Variants in NALF1 observed in about 807,000 individuals in gnomAD.
The protein encoded by NALF1 is family with sequence similarity 155 member A.
A neutral mutation model predicts 48.4 loss-of-function variants in NALF1; 3 were observed. The observed-to-expected ratio is 0.06, with a 90% CI of 0.03 to 0.16. The LOEUF is 0.16. Among genes scored for constraint, NALF1 ranks in the 10% least tolerant of loss-of-function variants. The probability of loss-of-function intolerance (pLI) is 1.00; values close to 1 mark genes in which losing one functional copy is unlikely to be tolerated. For synonymous variants in NALF1, 262 were observed against 245.7 expected (o/e 1.07, Z -0.62); for missense variants, 526 against 571.5 (o/e 0.92, Z 0.81).
At chr13:107,391,524 C>A (rs1012049987) in intron 1 of NALF1, among the ~76,000 whole-genome samples, 2 of 152,076 alleles carry the variant, frequency 1.3e-5, no homozygotes, top group Non-Finnish European at 2.9e-5. Flanking sequence ...CTTTCCAGAT[C>A]CAGAAGATAA....
At chr13:107,753,058 TGTGA>T (rs1264095844) in intron 1 of NALF1, among the ~76,000 whole-genome samples, 2 of 152,170 alleles carry the variant, frequency 1.3e-5, no homozygotes, top group African/African-American at 4.8e-5. Flanking sequence ...AAACCAGGGT[TGTGA>T]GTGTCTTACA....
chr13:107,755,111 G>A (rs757789828), intron 1 of NALF1, among the ~76,000 whole-genome samples: 1 of 152,134 alleles, frequency 6.6e-6, no homozygotes, highest in East Asian at 1.9e-4. Flanking sequence ...ACCTTTAAAA[G>A]TACAAAAACA....
intron 1 of NALF1, among the ~76,000 whole-genome samples, chr13:107,749,264 T>C (rs994703012): frequency 6.6e-6 from 1 of 152,018 alleles, no homozygotes; most frequent in Non-Finnish European, 1.5e-5. Context: ...TTAAGGCAGT[T>C]TTCTCTTAGT....
intron 1 of NALF1, among the ~76,000 whole-genome samples, chr13:107,504,491 A>C (rs78551796): frequency 0.032 from 4,850 of 152,226 alleles, 206 homozygotes; most frequent in East Asian, 0.1. Context: ...TACAGTATCC[A>C]TTTTGCTATC....
In NALF1 at chr13:107,270,482, C is replaced by T. The variant is rs566365262; in HGVS notation, c.916-59727G>A. Among the ~76,000 whole-genome samples the T allele has an allele frequency of 1.1e-3, 168 of 151,812 alleles. 1 individual carries two copies. The highest frequency in any genetic ancestry group is 3.5e-3 in the Middle Eastern group (1 of 288). On this transcript the variant is annotated intron_variant, in intron 1 of 2. Coordinates refer to ENST00000375915, the MANE Select transcript of NALF1 (RefSeq NM_001080396.3). ...ATTATGTATTTAGCAGAAGAGTGAACGAATGATTAAGTTAAAGGTATTTCA... is the reference window on the plus strand; with the variant it reads ...ATTATGTATTTAGCAGAAGAGTGAATGAATGATTAAGTTAAAGGTATTTCA...
intron 1 of NALF1, among the ~76,000 whole-genome samples, chr13:107,245,640 G>C (rs1880566442): frequency 6.6e-6 from 1 of 152,118 alleles, no homozygotes; most frequent in African/African-American, 2.4e-5. Flanking sequence ...GCCATAAGAG[G>C]CTGAAAAAAT....
intron 1 of NALF1, among the ~76,000 whole-genome samples, chr13:107,248,617 T>C (rs1053889330): frequency 6.7e-6 from 1 of 149,710 alleles, no homozygotes; most frequent in Non-Finnish European, 1.5e-5. Flanking sequence ...TAAATTCAGA[T>C]TAATTCAAAT....
chr13:107,459,233 C>T (rs1254793121), intron 1 of NALF1, among the ~76,000 whole-genome samples: 1 of 151,848 alleles, frequency 6.6e-6, no homozygotes, highest in African/African-American at 2.4e-5. Flanking sequence ...AACAACGAAC[C>T]CAATGAAAAT....
chr13:107,761,452 T>A (rs1877262150), intron 1 of NALF1, among the ~76,000 whole-genome samples: 1 of 152,094 alleles, frequency 6.6e-6, no homozygotes, highest in African/African-American at 2.4e-5. Context: ...TATTCCTATA[T>A]CTTAGAAGAA....
intron 1 of NALF1, among the ~76,000 whole-genome samples, chr13:107,492,481 T>C (rs912747546): frequency 3.3e-5 from 5 of 152,256 alleles, no homozygotes; most frequent in African/African-American, 1.2e-4. Context: ...CACAGCTTCC[T>C]TATATTCCTT....
intron 1 of NALF1, among the ~76,000 whole-genome samples, chr13:107,589,834 G>A (rs1030726797): frequency 2.6e-5 from 4 of 151,334 alleles, no homozygotes; most frequent in African/African-American, 9.7e-5. Context: ...TGATATGATG[G>A]GACTTGAAAT....
chr13:107,443,182 A>ATCTG (rs1056676480), intron 1 of NALF1, among the ~76,000 whole-genome samples: 2 of 139,876 alleles, frequency 1.4e-5, no homozygotes, highest in African/African-American at 6.5e-5. Context: ...CTATCTATCT[A>ATCTG]TCTATCTATC....
chr13:107,455,397 T>A (rs985466092), intron 1 of NALF1, among the ~76,000 whole-genome samples: 1 of 152,216 alleles, frequency 6.6e-6, no homozygotes, highest in African/African-American at 2.4e-5. Flanking sequence ...ATGTTTAGTT[T>A]CACAGCAAAA....
At position 107,590,107 on chromosome 13, in the gene NALF1, A is replaced by C. The variant is rs531328687; in HGVS notation, c.915+275575T>G. Among the ~76,000 whole-genome samples the C allele has an allele frequency of 1.6e-3, 238 of 152,212 alleles. 1 individual carries two copies. The highest frequency in any genetic ancestry group is 5.4e-3 in the African/African-American group (224 of 41,552). On this transcript the variant is annotated intron_variant, in intron 1 of 2. Coordinates refer to ENST00000375915, the MANE Select transcript of NALF1 (RefSeq NM_001080396.3). ...TACTATTTTTGACAAATATCCTTAT[A>C]GTGAAAAGTACCACCATCATAAAGT...
chr13:107,670,329 T>C (rs1880962223), intron 1 of NALF1, among the ~76,000 whole-genome samples: 1 of 151,966 alleles, frequency 6.6e-6, no homozygotes, highest in Admixed American at 6.6e-5. Context: ...GGCACACACA[T>C]ACAAGAACTT....
intron 1 of NALF1, among the ~76,000 whole-genome samples, chr13:107,474,495 A>G (rs1885148636): frequency 6.6e-6 from 1 of 152,240 alleles, no homozygotes; most frequent in Non-Finnish European, 1.5e-5. Flanking sequence ...CTAATACTTA[A>G]CAAAAATATG....
Position 107,164,445 on chromosome 13 carries a change from G to A in NALF1, c.*6052C>T, listed in dbSNP as rs1314560847. On this transcript the variant is annotated 3_prime_UTR_variant, in exon 3 of 3. Coordinates refer to ENST00000375915, the MANE Select transcript of NALF1 (RefSeq NM_001080396.3). ...AATGTTCCAATTTAAACATTTTCAT[G>A]TTTAAAATTACTATAGTTTTTTTAA... is the stretch of plus-strand genomic sequence containing the variant. 6.6e-6 allele frequency: 1 copy of A among 151,700 alleles called. No individual in the cohort carries two copies. Among genetic ancestry groups the A allele is most frequent in the African/African-American group, 2.4e-5 (1 of 41,278 alleles). 9.4% of individuals were successfully genotyped at this position (151,700 alleles called of 1,614,324 possible).
intron 1 of NALF1, among the ~76,000 whole-genome samples, chr13:107,673,250 A>C (rs1881033492): frequency 6.6e-6 from 1 of 152,224 alleles, no homozygotes; most frequent in South Asian, 2.1e-4. Flanking sequence ...AATGAGATTT[A>C]GTTCTCAGGG....
At chr13:107,764,138 T>C (rs1877355177) in intron 1 of NALF1, among the ~76,000 whole-genome samples, 1 of 152,122 alleles carries the variant, frequency 6.6e-6, no homozygotes, top group African/African-American at 2.4e-5. Context: ...CTGGGCATGT[T>C]TGAAGAGGAA....
Sources: allele counts gnomAD v4.1 joint callset (sites outside exome capture counted in the v4.1 genomes callset), GRCh38; gene constraint gnomAD v4.1.1; transcripts MANE v1.5; gene names NCBI Gene and HGNC (gene_info 2026-07-23, HGNC 2026-07-21).